Variants in SARS2 observed in about 807,000 individuals in gnomAD.
SARS2 encodes serine--tRNA ligase, mitochondrial.
SARS2 carries 52 observed loss-of-function variants against 66.8 expected under a neutral mutation model. The observed-to-expected ratio is 0.78, with a 90% confidence interval of 0.62 to 0.98. The LOEUF is 0.98. Ranked by LOEUF, SARS2 falls within the 50% of genes least tolerant of loss-of-function variation. The pLI, the probability that SARS2 is intolerant of heterozygous loss-of-function variation, is 0.00. For synonymous variants in SARS2, 306 were observed against 281.4 expected, an observed-to-expected ratio of 1.09 and a Z score of -0.87; for missense variants, 673 against 706.3, an observed-to-expected ratio of 0.95 and a Z score of 0.53.
rs1237781342 is a variant in SARS2, at chr19:38,918,058, C to G, written c.962+36G>C. 3 of 1,603,828 alleles carry G rather than the reference C, an allele frequency of 1.9e-6. No homozygotes were observed. The African/African-American group carries it at 4.0e-5, about 21-fold the overall frequency. ...GTCAAGGAGGGAAGACTGATTGTCA[C>G]AGGTGGGGTCAAGGTCTAAGGAAAC... On this transcript the variant is annotated intron_variant, in intron 10 of 15. Transcript: ENST00000221431.
chr19:38,928,469 G>A (rs955410373), intron 1 of SARS2: 2 of 135,876 alleles, frequency 1.5e-5, no homozygotes, highest in Admixed American at 1.7e-4. Context: ...AAATGAAAGA[G>A]AATATAATTA....
intron 10 of SARS2, 27 bp from the exon 11 acceptor site, chr19:38,918,035 C>A: frequency 6.2e-7 from 1 of 1,600,666 alleles, no homozygotes; most frequent in Middle Eastern, 1.7e-4. Flanking sequence ...AAAGTCGGGT[C>A]AAGGAGGGAA....
chr19:38,920,295 A>G, intron 5 of SARS2, 146 bp from the exon 6 acceptor site: 1 of 691,360 alleles, frequency 1.4e-6, no homozygotes, highest in Non-Finnish European at 2.6e-6. Flanking sequence ...GAAGACACGG[A>G]AAGGGAGGGA....
chr19:38,917,700 T>C, intron 12 of SARS2, 24 bp downstream of exon 12: 4 of 1,003,504 alleles, frequency 4.0e-6, no homozygotes, highest in Non-Finnish European at 6.2e-6. Flanking sequence ...CTGCCATCCC[T>C]GGATCCCTGG....
chr19:38,922,954 A>C (rs925778217), intron 2 of SARS2, among the ~76,000 whole-genome samples: 1 of 146,782 alleles, frequency 6.8e-6, no homozygotes, highest in Non-Finnish European at 1.5e-5. Flanking sequence ...CCCAGGCTGG[A>C]GTGCAATGGC....
rs754739660 is a variant in SARS2 at position 38,930,575 on chromosome 19, T to A, written c.162A>T (p.Ala54=). The change falls in exon 1 of 16, where the codon GCA becomes GCT. Residue 54 remains alanine, a synonymous_variant. Transcript: ENST00000221431. ...LYEYAREGYS[A]LPQLDIERFC... Reference sequence around the variant, plus strand: ...ACCGCTCTATGTCCAGCTGAGGGAGTGCGCTGTAGCCCTCGCGCGCATACT... The same window carrying A: ...ACCGCTCTATGTCCAGCTGAGGGAGAGCGCTGTAGCCCTCGCGCGCATACT... The A allele has an allele frequency of 3.7e-6, 6 of 1,613,912 alleles. No homozygotes were observed. The highest frequency in any genetic ancestry group is 4.2e-6 in the Non-Finnish European group (5 of 1,180,008).
Position 38,920,994 on chromosome 19 carries a change from C to CACACAGATACAGACACACACAGAT in SARS2, c.589+374_589+397dup, listed in dbSNP as rs1291246117. Reference sequence around the variant, plus strand: ...AGACACACACAAACACAGACACACACACACAGATACAGACACACACAGATA... The same window carrying CACACAGATACAGACACACACAGAT: ...AGACACACACAAACACAGACACACACACACAGATACAGACACACACAGATACACAGATACAGACACACACAGATA... On this transcript the variant is annotated intron_variant, in intron 5 of 15. Transcript: ENST00000221431. Among the ~76,000 whole-genome samples the CACACAGATACAGACACACACAGAT allele has an allele frequency of 1.1e-4, 17 of 150,092 alleles. No homozygotes were observed. In the Admixed American group the frequency reaches 1.1e-3, roughly 10 times the overall value.
In SARS2 at chr19:38,920,884, GAC is replaced by G. The variant is rs376790270; in HGVS notation, c.589+506_589+507del. 6.8e-3 allele frequency among the ~76,000 whole-genome samples: 989 copies of G among 146,368 alleles called. 11 individuals carry two copies. Among genetic ancestry groups the G allele is most frequent in the African/African-American group, 0.023 (902 of 39,724 alleles). ...ACACACAGATACATAGACACACACA[GAC>G]ACACACACACACAAACACAGATATA... is the stretch of plus-strand genomic sequence containing the variant. On this transcript the variant is annotated intron_variant, in intron 5 of 15. Coordinates refer to ENST00000221431, the MANE Select transcript of SARS2 (RefSeq NM_017827.4).
intron 1 of SARS2, chr19:38,930,208 G>A (rs754157413): frequency 1.6e-5 from 8 of 511,706 alleles, no homozygotes; most frequent in East Asian, 3.3e-5. Flanking sequence ...GTTCCTAAAG[G>A]ACAGGAGGTA....
chr19:38,927,671 C>T (rs1974652120), intron 1 of SARS2, among the ~76,000 whole-genome samples: 1 of 152,150 alleles, frequency 6.6e-6, no homozygotes, highest in Non-Finnish European at 1.5e-5. Flanking sequence ...AACAGCAATG[C>T]ACAACGATTC....
At position 38,915,507 on chromosome 19, in the gene SARS2, A is replaced by C. The variant is rs74399089; in HGVS notation, c.*99T>G. On this transcript the variant is annotated 3_prime_UTR_variant, in exon 16 of 16. Coordinates refer to ENST00000221431, the MANE Select transcript of SARS2 (RefSeq NM_017827.4). ...GGCGTGGAGCTGACAGGAAGAACACAGATGTCAGGACGGGCTCAGCAACAC... is the reference window on the plus strand; with the variant it reads ...GGCGTGGAGCTGACAGGAAGAACACCGATGTCAGGACGGGCTCAGCAACAC... The C allele has an allele frequency of 3.2e-3, 4,568 of 1,438,862 alleles. 61 individuals carry two copies. The African/African-American group carries it at 0.036, about 11-fold the overall frequency. 89.1% of individuals were successfully genotyped at this position (1,438,862 alleles called of 1,614,324 possible).
rs549888045 is a variant in SARS2 at position 38,921,584 on chromosome 19, A to G, written c.477T>C (p.Leu159=). The G allele has an allele frequency of 6.2e-7, 1 of 1,614,026 alleles. No homozygotes were observed. Among genetic ancestry groups the G allele is most frequent in the Non-Finnish European group, 8.5e-7 (1 of 1,180,004 alleles). ...LVHLYPREAQ[L]EEQFYLQALK... is the part of the protein sequence containing the mutation. ...GCGCCTGCAGGTAGAACTGCTCCTC[A>G]AGCTGGGCCTCCCTGGGGTACAGGT... Residue 159 remains leucine (L), a synonymous_variant, in exon 4 of 16, where the codon CTT becomes CTC. Coordinates refer to ENST00000221431, the MANE Select transcript of SARS2 (RefSeq NM_017827.4).
chr19:38,917,619 G>A (rs969451478), intron 12 of SARS2, 105 bp downstream of exon 12: 12 of 786,314 alleles, frequency 1.5e-5, no homozygotes, highest in Admixed American at 1.1e-4. Flanking sequence ...TGGGGGCAAC[G>A]AGGGGGCTGG....
At position 38,916,092 on chromosome 19, in the gene SARS2, C is replaced by T. The variant is rs146193366; in HGVS notation, c.1292G>A (p.Arg431His). The change falls in exon 14 of 16, where the codon CGC becomes CAC. Residue 431 changes from arginine (R) to histidine (H), a missense_variant. Coordinates refer to ENST00000221431, the MANE Select transcript of SARS2 (RefSeq NM_017827.4). ...SASNCTDFQSRRLHIMFQTEA... is the reference protein window; with the variant it reads ...SASNCTDFQSHRLHIMFQTEA... Reference sequence around the variant, plus strand: ...GGTCTGGAACATGATGTGGAGGCGGCGGCTCTGGAAGTCTGTGCAGTTGGA... The same window carrying T: ...GGTCTGGAACATGATGTGGAGGCGGTGGCTCTGGAAGTCTGTGCAGTTGGA... The T allele has an allele frequency of 1.1e-4, 184 of 1,613,890 alleles. No individual in the cohort carries two copies. Among genetic ancestry groups the T allele is most frequent in the Non-Finnish European group, 3.1e-5 (37 of 1,179,944 alleles).
chr19:38,919,597 C>A (rs1332097641), intron 7 of SARS2, among the ~76,000 whole-genome samples, 165 bp downstream of exon 7: 1 of 152,198 alleles, frequency 6.6e-6, no homozygotes, highest in Non-Finnish European at 1.5e-5. Flanking sequence ...GATGACAGCA[C>A]CCACTTCATA....
Position 38,915,840 on chromosome 19 carries a change from C to A in SARS2, c.1413+1G>T, listed in dbSNP as rs200060827. ...TCTGGGTGGGCCCCTCAGCCCCTCA[C>A]CTTCTGCTGGTTACTCTCCAGGAGC... On this transcript the variant is annotated splice_donor_variant, in intron 15 of 15. Coordinates refer to ENST00000221431, the MANE Select transcript of SARS2 (RefSeq NM_017827.4). LOFTEE classifies it high-confidence loss of function. 6.2e-7 allele frequency: 1 copy of A among 1,613,622 alleles called. No individual in the cohort carries two copies. Among genetic ancestry groups the A allele is most frequent in the African/African-American group, 1.3e-5 (1 of 74,940 alleles).
At chr19:38,916,190 C>A in intron 13 of SARS2, 31 bp downstream of exon 13, 1 of 1,613,246 alleles carries the variant, frequency 6.2e-7, no homozygotes, top group South Asian at 1.1e-5. Context: ...TGTCCTCCTG[C>A]CCACCCCGTC....
rs1477083377 is a variant in SARS2 at position 38,918,123 on chromosome 19, G to A, written c.933C>T (p.His311=). ...CTGGCAGGTCCCTGAAGGCCACGGT[G>A]TGGTCCATGAAGTAGCCTGGGAGGA... ...EVGLAGYFMD[H]TVAFRDLPVR... Residue 311 remains histidine (H), a synonymous_variant, in exon 10 of 16, where the codon CAC becomes CAT. Transcript: ENST00000221431. 3 of 1,599,936 alleles carry A rather than the reference G, an allele frequency of 1.9e-6. No homozygotes were observed. The highest frequency in any genetic ancestry group is 1.7e-6 in the Non-Finnish European group (2 of 1,173,672).
chr19:38,917,143 A>G (rs1292082659), intron 12 of SARS2, among the ~76,000 whole-genome samples: 1 of 151,434 alleles, frequency 6.6e-6, no homozygotes, highest in Non-Finnish European at 1.5e-5. Flanking sequence ...TAAAAAACGT[A>G]AAGACGAGCT....
Sources: allele counts gnomAD v4.1 joint callset (sites outside exome capture counted in the v4.1 genomes callset), GRCh38; gene constraint gnomAD v4.1.1; transcripts MANE v1.5; gene names NCBI Gene and HGNC (gene_info 2026-07-23, HGNC 2026-07-21).